The following RALGAPA1 variants were observed in gnomAD, a reference collection of about 807,000 sequenced individuals.
RALGAPA1 encodes the protein ral GTPase-activating protein subunit alpha-1.
In RALGAPA1, 52 loss-of-function variants were observed where a neutral mutation model predicts 269.6. The ratio of observed to expected loss-of-function variants is 0.19; its 90% confidence interval spans 0.15 to 0.24. RALGAPA1 has a LOEUF of 0.24. Ranked by LOEUF, RALGAPA1 falls within the 10% of genes least tolerant of loss-of-function variation. The pLI is 1.00. For synonymous variants in RALGAPA1, 817 were observed against 1,008.3 expected (o/e 0.81, Z 3.60); for missense variants, 1,917 against 3,013.9 (o/e 0.64, Z 8.52).
chr14:35,650,424 A>T (rs190526199), intron 31 of RALGAPA1, among the ~76,000 whole-genome samples: 1 of 152,180 alleles, frequency 6.6e-6, no homozygotes, highest in African/African-American at 2.4e-5. Context: ...AAAAAATAAA[A>T]ATGAAGTATA....
At chr14:35,588,388 C>A (rs562863111) in intron 37 of RALGAPA1, among the ~76,000 whole-genome samples, 3 of 152,096 alleles carry the variant, frequency 2.0e-5, no homozygotes, top group Non-Finnish European at 4.4e-5. Flanking sequence ...CTACAAAGGT[C>A]ACAGGAATAA....
intron 37 of RALGAPA1, among the ~76,000 whole-genome samples, chr14:35,578,605 T>C (rs2057737101): frequency 6.6e-6 from 1 of 152,352 alleles, no homozygotes; most frequent in South Asian, 2.1e-4. Flanking sequence ...TCCAATACTA[T>C]GCCTTAGCAG....
At chr14:35,747,875 G>A (rs1425031035) in intron 10 of RALGAPA1, among the ~76,000 whole-genome samples, 1 of 151,912 alleles carries the variant, frequency 6.6e-6, no homozygotes, top group Non-Finnish European at 1.5e-5. Context: ...ATGTGAAATA[G>A]CTTTTTGTTC....
At chr14:35,683,763 G>A in intron 21 of RALGAPA1, 46 bp downstream of exon 21, 2 of 1,404,460 alleles carry the variant, frequency 1.4e-6, no homozygotes, top group Non-Finnish European at 1.9e-6. Context: ...TTCTTTGAAG[G>A]CTTAAAAAAT....
At chr14:35,626,550 T>C (rs560418413) in intron 34 of RALGAPA1, among the ~76,000 whole-genome samples, 3 of 152,284 alleles carry the variant, frequency 2.0e-5, no homozygotes, top group East Asian at 3.9e-4. Flanking sequence ...TTGTAGACTG[T>C]AGCCTGAGGC....
intron 12 of RALGAPA1, among the ~76,000 whole-genome samples, chr14:35,732,371 C>T (rs2070572225): frequency 6.6e-6 from 1 of 150,434 alleles, no homozygotes; most frequent in South Asian, 2.1e-4. Context: ...ACACAGGCAA[C>T]AAATAGCACA....
chr14:35,720,444 C>A (rs10135030), intron 16 of RALGAPA1, among the ~76,000 whole-genome samples: 20,047 of 152,120 alleles, frequency 0.13, 1,372 homozygotes, highest in African/African-American at 0.14. Context: ...TGTATCCTTA[C>A]AATAATGGCT....
chr14:35,633,180 C>T (rs1198358706), intron 33 of RALGAPA1, among the ~76,000 whole-genome samples: 2 of 152,066 alleles, frequency 1.3e-5, no homozygotes, highest in East Asian at 3.8e-4. Flanking sequence ...TTGCTTTGTT[C>T]AAGAAACATA....
At chr14:35,797,843 CAAA>C (rs200057234) in intron 1 of RALGAPA1, among the ~76,000 whole-genome samples, 1 of 118,254 alleles carries the variant, frequency 8.5e-6, no homozygotes, top group Non-Finnish European at 1.9e-5. Flanking sequence ...AATTACATCT[CAAA>C]AAAAAAAAAA....
chr14:35,560,709 G>A (rs1034266645), intron 39 of RALGAPA1, among the ~76,000 whole-genome samples: 1 of 152,110 alleles, frequency 6.6e-6, no homozygotes, highest in Non-Finnish European at 1.5e-5. Context: ...TCATTTTTGT[G>A]AGCTCCCACA....
intron 31 of RALGAPA1, 114 bp downstream of exon 31, chr14:35,651,691 G>C: frequency 1.1e-6 from 1 of 914,468 alleles, no homozygotes; most frequent in Non-Finnish European, 1.5e-6. Flanking sequence ...CATTATAGTA[G>C]ATTCTGAACA....
At chr14:35,552,179 C>T (rs770838119) in intron 39 of RALGAPA1, among the ~76,000 whole-genome samples, 5 of 152,018 alleles carry the variant, frequency 3.3e-5, no homozygotes, top group African/African-American at 1.2e-4. Flanking sequence ...CCCCGGCCCC[C>T]GCTTTTTTTA....
rs761854787 is a variant in RALGAPA1, at chr14:35,654,516, T to C, written c.5497-39A>G. On this transcript the variant is annotated intron_variant, in intron 29 of 41. Coordinates refer to ENST00000680220, the MANE Select transcript of RALGAPA1 (RefSeq NM_001346249.2). The stretch of plus-strand genomic sequence containing the variant: ...AAAAAAGTTTTAAAAATTTTCATGA[T>C]GAACTTTTCATCAATGTATTATCTG... The C allele has an allele frequency of 9.0e-6, 14 of 1,552,920 alleles. No homozygotes were observed. The Admixed American group carries it at 1.9e-4, about 21-fold the overall frequency.
rs563394811 is a variant in RALGAPA1, at chr14:35,621,693, A to G, written c.6929+3668T>C. On this transcript the variant is annotated intron_variant, in intron 35 of 41. Transcript: ENST00000680220. ...AAAAAAACAAACAACGCCATCAAAA[A>G]GTGGGCAAAGGATATGAACAGACAC... 2.0e-5 allele frequency among the ~76,000 whole-genome samples: 3 copies of G among 152,366 alleles called. No individual in the cohort carries two copies. In the East Asian group the frequency reaches 5.8e-4, roughly 29 times the overall value.
chr14:35,773,221 A>G (rs938335601), intron 3 of RALGAPA1, among the ~76,000 whole-genome samples: 1 of 152,178 alleles, frequency 6.6e-6, no homozygotes, highest in Non-Finnish European at 1.5e-5. Context: ...TGCACAGAAT[A>G]TAAAACCTCT....
At chr14:35,564,091 T>C (rs2056502602) in intron 39 of RALGAPA1, among the ~76,000 whole-genome samples, 1 of 152,168 alleles carries the variant, frequency 6.6e-6, no homozygotes, top group African/African-American at 2.4e-5. Flanking sequence ...AACGATAGCA[T>C]CATTAACTCC....
chr14:35,680,992 A>C (rs2065389292), intron 21 of RALGAPA1, among the ~76,000 whole-genome samples: 1 of 152,122 alleles, frequency 6.6e-6, no homozygotes, highest in South Asian at 2.1e-4. Flanking sequence ...TAAAGCAATA[A>C]AACTATTCCT....
chr14:35,766,411 A>C lies in RALGAPA1; in HGVS notation c.326-3658T>G, dbSNP rs2074154830. 6 of 1,572,560 alleles carry C rather than the reference A, an allele frequency of 3.8e-6. No individual in the cohort carries two copies. In the East Asian group the frequency reaches 1.3e-4, roughly 35 times the overall value. On this transcript the variant is annotated intron_variant, in intron 4 of 41. Transcript: ENST00000680220. ...TATCTTGTACTGGAATTATCAAGTG[A>C]AGTACAGTCTCTTTGGTCCAAAGCT... is the stretch of plus-strand genomic sequence containing the variant.
chr14:35,570,066 T>TC (rs1357144084), intron 39 of RALGAPA1, among the ~76,000 whole-genome samples: 1 of 151,482 alleles, frequency 6.6e-6, no homozygotes, highest in Non-Finnish European at 1.5e-5. Flanking sequence ...GGTCAGGAGT[T>TC]CGAGACCAGC....
Sources: allele counts gnomAD v4.1 joint callset (sites outside exome capture counted in the v4.1 genomes callset), GRCh38; gene constraint gnomAD v4.1.1; transcripts MANE v1.5; gene names NCBI Gene and HGNC (gene_info 2026-07-23, HGNC 2026-07-21).